Variants in IMMP2L observed in about 807,000 individuals in gnomAD.
IMMP2L encodes mitochondrial inner membrane protease subunit 2.
A neutral mutation model predicts 19.3 loss-of-function variants in IMMP2L; 18 were observed. That is an observed-to-expected ratio of 0.93 (90% CI 0.64 to 1.38). IMMP2L has a LOEUF of 1.38. Among genes scored for constraint, IMMP2L ranks in the 40% most tolerant of loss-of-function variants. IMMP2L has a pLI of 0.00. For synonymous variants in IMMP2L, 76 were observed against 73.0 expected, an observed-to-expected ratio of 1.04 and a Z score of -0.21; for missense variants, 233 against 218.2, an observed-to-expected ratio of 1.07 and a Z score of -0.43.
At chr7:110,669,052 CGTGTGTGTGTGTGTGTGTGT>C (rs1165734674) in intron 5 of IMMP2L, among the ~76,000 whole-genome samples, 1 of 65,272 alleles carries the variant, frequency 1.5e-5, no homozygotes, top group African/African-American at 5.0e-5. Context: ...TGTGTGTGTG[CGTGTGTGTGTGTGTGTGTGT>C]GTGTGTGTGT....
At chr7:110,714,840 C>G (rs1795135370) in intron 5 of IMMP2L, among the ~76,000 whole-genome samples, 1 of 152,184 alleles carries the variant, frequency 6.6e-6, no homozygotes, top group African/African-American at 2.4e-5. Flanking sequence ...AGTGATCTGC[C>G]TGCCTCAGCC....
chr7:111,065,082 T>G (rs1794369501), intron 3 of IMMP2L, among the ~76,000 whole-genome samples: 1 of 152,200 alleles, frequency 6.6e-6, no homozygotes, highest in African/African-American at 2.4e-5. Context: ...GTCATCAATA[T>G]CAGCTACAAC....
Position 110,758,478 on chromosome 7 carries a change from T to C in IMMP2L, c.409-94757A>G, listed in dbSNP as rs1798161012. Among the ~76,000 whole-genome samples, 2 of 152,046 alleles carry C rather than the reference T, an allele frequency of 1.3e-5. No individual in the cohort carries two copies. The highest frequency in any genetic ancestry group is 2.9e-5 in the Non-Finnish European group (2 of 67,988). On this transcript the variant is annotated intron_variant, in intron 5 of 5. Transcript: ENST00000405709. This position sits in a 1 kb window ranked among gnomAD's most constrained non-coding sequence, Gnocchi z 4.6. Reference sequence around the variant, plus strand: ...GATGACTCAGGAGAGAGCATAAGAATTGCTAAAGCCATGTCCTTGTAGGTG... The same window carrying C: ...GATGACTCAGGAGAGAGCATAAGAACTGCTAAAGCCATGTCCTTGTAGGTG...
chr7:110,825,820 A>G (rs1189645098), intron 5 of IMMP2L, among the ~76,000 whole-genome samples: 1 of 152,224 alleles, frequency 6.6e-6, no homozygotes, highest in Non-Finnish European at 1.5e-5. Flanking sequence ...TGGCAACAAA[A>G]GCCAAAATTG....
At chr7:111,356,797 T>C (rs1208681228) in intron 3 of IMMP2L, among the ~76,000 whole-genome samples, 3 of 152,048 alleles carry the variant, frequency 2.0e-5, no homozygotes, top group African/African-American at 7.2e-5. Flanking sequence ...GAGGCTGAGG[T>C]AGGCGGATCA....
intron 4 of IMMP2L, among the ~76,000 whole-genome samples, chr7:110,935,611 C>T (rs1816014393): frequency 6.6e-6 from 1 of 152,034 alleles, no homozygotes; most frequent in East Asian, 1.9e-4. Flanking sequence ...TGGTTCCATT[C>T]TCCCCACCAC....
chr7:111,159,861 G>A (rs893265789), intron 3 of IMMP2L, among the ~76,000 whole-genome samples: 5 of 151,982 alleles, frequency 3.3e-5, no homozygotes, highest in African/African-American at 1.2e-4. Flanking sequence ...TATTAATGGG[G>A]TATCTTACAT....
chr7:111,471,384 T>C (rs1399326508), intron 3 of IMMP2L, among the ~76,000 whole-genome samples: 1 of 151,980 alleles, frequency 6.6e-6, no homozygotes, highest in Non-Finnish European at 1.5e-5. Flanking sequence ...GACTCTAAAG[T>C]CTCTAAATTT....
Position 110,872,041 on chromosome 7 carries a change from C to T in IMMP2L, c.408+14552G>A, listed in dbSNP as rs1808591553. Among the ~76,000 whole-genome samples the T allele has an allele frequency of 2.0e-5, 3 of 152,116 alleles. No homozygotes were observed. In the South Asian group the frequency reaches 6.2e-4, roughly 31 times the overall value. On this transcript the variant is annotated intron_variant, in intron 5 of 5. Transcript: ENST00000405709. ...TCCTCCCTCTCTCATGGCAAAGGCT[C>T]CAAACACCAATCTCCTGTTTGTTAA...
intron 3 of IMMP2L, among the ~76,000 whole-genome samples, chr7:111,168,978 G>C (rs2129608580): frequency 6.6e-6 from 1 of 151,918 alleles, no homozygotes; most frequent in African/African-American, 2.4e-5. Flanking sequence ...CAGCAAAAGA[G>C]TTATGAATAT....
At chr7:110,902,479 A>AATATATATATATATAT (rs67367468) in intron 4 of IMMP2L, among the ~76,000 whole-genome samples, 9 of 140,548 alleles carry the variant, frequency 6.4e-5, no homozygotes, top group African/African-American at 2.4e-4. Flanking sequence ...TGAATGATAA[A>AATATATATATATATAT]ATATATATAT....
At chr7:110,697,644 A>T (rs1319747081) in intron 5 of IMMP2L, among the ~76,000 whole-genome samples, 1 of 152,032 alleles carries the variant, frequency 6.6e-6, no homozygotes, top group Non-Finnish European at 1.5e-5. Flanking sequence ...CTCTACAAAA[A>T]ATTAGCTGGC....
At chr7:111,471,156 A>T (rs1204903418) in intron 3 of IMMP2L, among the ~76,000 whole-genome samples, 1 of 152,098 alleles carries the variant, frequency 6.6e-6, no homozygotes, top group Non-Finnish European at 1.5e-5. Flanking sequence ...AAACTAAGGC[A>T]GTAAGTGACT....
intron 5 of IMMP2L, among the ~76,000 whole-genome samples, chr7:110,788,154 C>A (rs1800214552): frequency 6.6e-6 from 1 of 151,954 alleles, no homozygotes; most frequent in Non-Finnish European, 1.5e-5. Flanking sequence ...CTCTAAAAGT[C>A]ATTACTTTCA....
intron 3 of IMMP2L, among the ~76,000 whole-genome samples, chr7:111,325,957 A>C (rs951848843): frequency 1.3e-5 from 2 of 151,750 alleles, no homozygotes; most frequent in African/African-American, 4.8e-5. Flanking sequence ...AGTTTTGCCT[A>C]TAACTGAATT....
chr7:110,701,603 T>C (rs1794292973), intron 5 of IMMP2L, among the ~76,000 whole-genome samples: 1 of 152,130 alleles, frequency 6.6e-6, no homozygotes, highest in East Asian at 1.9e-4. Context: ...TTATATTTTA[T>C]TGGTAGAGAC....
intron 3 of IMMP2L, among the ~76,000 whole-genome samples, chr7:111,287,814 G>A (rs964620703): frequency 6.6e-6 from 1 of 152,132 alleles, no homozygotes; most frequent in Non-Finnish European, 1.5e-5. Context: ...CAGTTTCACA[G>A]ACAGGAGAAC....
intron 5 of IMMP2L, among the ~76,000 whole-genome samples, chr7:110,746,665 C>T (rs1439221408): frequency 6.6e-6 from 1 of 152,046 alleles, no homozygotes; most frequent in African/African-American, 2.4e-5. Context: ...GGGTACATAA[C>T]AAAATGAAGG....
intron 3 of IMMP2L, among the ~76,000 whole-genome samples, chr7:111,085,319 A>G (rs543267264): frequency 2.0e-5 from 3 of 152,162 alleles, no homozygotes; most frequent in Non-Finnish European, 4.4e-5. Context: ...TCTTTGTGGA[A>G]TCACTGTCTT....
Sources: gnomAD v4.1 joint callset for allele counts (sites outside exome capture counted in the v4.1 genomes callset) on GRCh38, gnomAD v4.1.1 for gene constraint, Gnocchi (gnomAD v3.1) non-coding constraint, MANE v1.5 for transcripts, NCBI Gene and HGNC (gene_info 2026-07-23, HGNC 2026-07-21) for gene names.